The following MUL1 variants were observed in gnomAD, a reference collection of about 807,000 sequenced individuals.
MUL1 encodes mitochondrial E3 ubiquitin protein ligase 1.
MUL1 carries 30 observed loss-of-function variants against 34.1 expected under a neutral mutation model. The ratio of observed to expected loss-of-function variants is 0.88; its 90% confidence interval spans 0.66 to 1.19. MUL1 has a LOEUF of 1.19. Ranked by LOEUF, MUL1 falls within the 50% of genes most tolerant of loss-of-function variation. The pLI, the probability that MUL1 is intolerant of heterozygous loss-of-function variation, is 0.00. For missense variants in MUL1, 419 were observed against 450.5 expected, an observed-to-expected ratio of 0.93 and a Z score of 0.63; for synonymous variants, 191 against 187.8, an observed-to-expected ratio of 1.02 and a Z score of -0.14.
chr1:20,500,526 G>C lies in MUL1; in HGVS notation c.*164C>G. 1.1e-6 allele frequency: 1 copy of C among 880,214 alleles called. No individual in the cohort carries two copies. Among genetic ancestry groups the C allele is most frequent in the Non-Finnish European group, 1.7e-6 (1 of 592,592 alleles). 54.5% of individuals were successfully genotyped at this position (880,214 alleles called of 1,614,324 possible). Reference sequence around the variant, plus strand: ...TCTCAGGTGGGAAAGGCAGCATCCTGCCATTGGAGGCATGGGTCTGGAGAG... The same window carrying C: ...TCTCAGGTGGGAAAGGCAGCATCCTCCCATTGGAGGCATGGGTCTGGAGAG... On this transcript the variant is annotated 3_prime_UTR_variant, in exon 4 of 4. Transcript: ENST00000264198.
chr1:20,501,977 G>A lies in MUL1; in HGVS notation c.329+92C>T, dbSNP rs2051665991. The A allele has an allele frequency of 1.3e-6, 2 of 1,527,112 alleles. No individual in the cohort carries two copies. Among genetic ancestry groups the A allele is most frequent in the South Asian group, 2.3e-5 (2 of 86,526 alleles). 94.6% of individuals were successfully genotyped at this position (1,527,112 alleles called of 1,614,324 possible). ...GAGACTGGGCTTCAACCTGTCTCAG[G>A]AGAAGCTGAAGTCACGGCAACAGCA... On this transcript the variant is annotated intron_variant, in intron 3 of 3. Coordinates refer to ENST00000264198, the MANE Select transcript of MUL1 (RefSeq NM_024544.3). The surrounding 1 kb of genome is among the most constrained non-coding windows in gnomAD (Gnocchi z 4.2).
At chr1:20,505,988 C>A (rs1013291710) in intron 1 of MUL1, among the ~76,000 whole-genome samples, 4 of 152,150 alleles carry the variant, frequency 2.6e-5, no homozygotes, top group Admixed American at 6.5e-5. Context: ...CACTATAACG[C>A]CACTGCACAG....
intron 1 of MUL1, among the ~76,000 whole-genome samples, chr1:20,507,011 C>T (rs2051721876): frequency 6.6e-6 from 1 of 150,730 alleles, no homozygotes; most frequent in Non-Finnish European, 1.5e-5. Flanking sequence ...GGAGATCACC[C>T]GACGTCAGGA....
chr1:20,503,161 G>A, intron 2 of MUL1, 61 bp downstream of exon 2: 1 of 1,230,590 alleles, frequency 8.1e-7, no homozygotes, highest in Non-Finnish European at 1.2e-6. Context: ...TAGCCAAGAT[G>A]ATCTTTATCA....
chr1:20,503,326 AAT>A lies in MUL1; in HGVS notation c.121-19_121-18del. The A allele has an allele frequency of 6.9e-7, 1 of 1,449,310 alleles. No homozygotes were observed. Among genetic ancestry groups the A allele is most frequent in the Admixed American group, 2.0e-5 (1 of 49,116 alleles). The allele number at this position is 1,449,310 out of a possible 1,614,324, so 89.8% of individuals were successfully genotyped here. On this transcript the variant is annotated intron_variant, in intron 1 of 3. Transcript: ENST00000264198. ...TTTAGCTCCCTAAATAAAAAAAAAA[AAT>A]TAAATTAATTGGCCATTGAACACTG...
At position 20,508,048 on chromosome 1, in the gene MUL1, G is replaced by T; in HGVS notation, c.-24C>A. ...ATGACGGCGGCGAGCCCCGGTGGCC[G>T]ACTGTGGCGCCAAGGATAGGCCTGG... On this transcript the variant is annotated 5_prime_UTR_variant, in exon 1 of 4. Coordinates refer to ENST00000264198, the MANE Select transcript of MUL1 (RefSeq NM_024544.3). 1 of 1,573,830 alleles carries T rather than the reference G, an allele frequency of 6.4e-7. No homozygotes were observed. Among genetic ancestry groups the T allele is most frequent in the Non-Finnish European group, 8.6e-7 (1 of 1,161,202 alleles).
In MUL1 at chr1:20,502,131, C is replaced by T; in HGVS notation, c.267G>A (p.Gly89=). The T allele has an allele frequency of 6.2e-7, 1 of 1,614,162 alleles. No individual in the cohort carries two copies. The highest frequency in any genetic ancestry group is 8.5e-7 in the Non-Finnish European group (1 of 1,180,038). The change falls in exon 3 of 4, where the codon GGG becomes GGA. Residue 89 remains glycine, a synonymous_variant. Coordinates refer to ENST00000264198, the MANE Select transcript of MUL1 (RefSeq NM_024544.3). ...CCTGAAGTGTCAGCCGCTGAATTAC[C>T]CCCTTGCAGTTTTCCACAAACTGGC... is the stretch of plus-strand genomic sequence containing the variant. ...LNSQFVENCK[G]VIQRLTLQEH...
intron 2 of MUL1, among the ~76,000 whole-genome samples, chr1:20,502,922 T>A (rs1206768698): frequency 2.0e-5 from 3 of 152,150 alleles, no homozygotes; most frequent in Non-Finnish European, 4.4e-5. Flanking sequence ...ACAATGACAT[T>A]CTGATCACCA....
In MUL1 at chr1:20,500,476, G is replaced by T; in HGVS notation, c.*214C>A. On this transcript the variant is annotated 3_prime_UTR_variant, in exon 4 of 4. Coordinates refer to ENST00000264198, the MANE Select transcript of MUL1 (RefSeq NM_024544.3). ...CATCCTCCCAGGGTGAGGCTCTGAT[G>T]AGGCTGCACATGGACAGGGTCCCCT... 1.8e-6 allele frequency: 1 copy of T among 550,446 alleles called. No homozygotes were observed. Among genetic ancestry groups the T allele is most frequent in the Middle Eastern group, 4.8e-4 (1 of 2,068 alleles). The allele number at this position is 550,446 out of a possible 1,614,324, so 34.1% of individuals were successfully genotyped here.
chr1:20,502,918 A>G (rs2051677893), intron 2 of MUL1, among the ~76,000 whole-genome samples: 1 of 152,192 alleles, frequency 6.6e-6, no homozygotes, highest in Non-Finnish European at 1.5e-5. Context: ...CAAAACAATG[A>G]CATTCTGATC....
intron 1 of MUL1, among the ~76,000 whole-genome samples, chr1:20,506,333 A>T (rs1048034141): frequency 6.6e-6 from 1 of 152,246 alleles, no homozygotes; most frequent in African/African-American, 2.4e-5. Context: ...AAGCTAGAGG[A>T]AAGAGAATGG....
rs774048986 is a variant in MUL1, at chr1:20,501,210, T to C, written c.539A>G (p.Lys180Arg). The C allele has an allele frequency of 9.9e-6, 16 of 1,614,026 alleles. No individual in the cohort carries two copies. The Admixed American group carries it at 2.5e-4, about 25-fold the overall frequency. Residue 180 changes from lysine to arginine, a missense_variant, in exon 4 of 4, where the codon AAA (lysine) becomes AGA (arginine). Physicochemically the swap from Lys to Arg is conservative, Grantham distance 26. Transcript: ENST00000264198. The surrounding 1 kb of genome is among the most constrained non-coding windows in gnomAD (Gnocchi z 4.2). ...CATCTCCTCGGTCTCTTGGATGCCTTTGGGCCGCTCACCGCTGATGTAGTG... is the reference window on the plus strand; with the variant it reads ...CATCTCCTCGGTCTCTTGGATGCCTCTGGGCCGCTCACCGCTGATGTAGTG... ...IGHYISGERP[K>R]GIQETEEMLK...
rs768345541 is a variant in MUL1 at position 20,501,441 on chromosome 1, A to G, written c.330-22T>C. On this transcript the variant is annotated intron_variant, in intron 3 of 3. Coordinates refer to ENST00000264198, the MANE Select transcript of MUL1 (RefSeq NM_024544.3). This position sits in a 1 kb window ranked among gnomAD's most constrained non-coding sequence, Gnocchi z 4.2. Reference sequence around the variant, plus strand: ...ATTCCTAGAAGAATAAGAGAACTAAAGATACAGGGTAGCAAACAGCAAACA... The same window carrying G: ...ATTCCTAGAAGAATAAGAGAACTAAGGATACAGGGTAGCAAACAGCAAACA... 9 of 1,600,488 alleles carry G rather than the reference A, an allele frequency of 5.6e-6. No homozygotes were observed. Among genetic ancestry groups the G allele is most frequent in the Middle Eastern group, 1.7e-4 (1 of 6,028 alleles).
In MUL1 at chr1:20,500,663, A is replaced by C. The variant is rs1017054877; in HGVS notation, c.*27T>G. The C allele has an allele frequency of 4.6e-6, 7 of 1,526,958 alleles. No homozygotes were observed. In the Admixed American group the frequency reaches 6.4e-5, roughly 14 times the overall value. 94.6% of individuals were successfully genotyped at this position (1,526,958 alleles called of 1,614,324 possible). A position where few individuals can be genotyped will look rare whatever the true frequency, so the allele number is the denominator to read the frequency against. On this transcript the variant is annotated 3_prime_UTR_variant, in exon 4 of 4. Coordinates refer to ENST00000264198, the MANE Select transcript of MUL1 (RefSeq NM_024544.3). ...CTGAAAAGGGGGCAGGGGTGCTTCC[A>C]GGTCAAGCTGTGCGGCTTCCAAACT...
In MUL1 at chr1:20,500,427, G is replaced by A; in HGVS notation, c.*263C>T. 7.3e-6 allele frequency: 3 copies of A among 408,814 alleles called. No homozygotes were observed. The highest frequency in any genetic ancestry group is 1.3e-5 in the Non-Finnish European group (3 of 226,536). 25.3% of individuals were successfully genotyped at this position (408,814 alleles called of 1,614,324 possible). On this transcript the variant is annotated 3_prime_UTR_variant, in exon 4 of 4. Transcript: ENST00000264198. ...TTTTCAGTCACACTCGCACTGATCT[G>A]GCTCCTGGGAGGAGACGCCACGGCA... is the stretch of plus-strand genomic sequence containing the variant.
Position 20,500,562 on chromosome 1 carries a change from A to G in MUL1, c.*128T>C, listed in dbSNP as rs2051643878. The G allele has an allele frequency of 1.3e-5, 16 of 1,278,678 alleles. No homozygotes were observed. In the East Asian group the frequency reaches 1.9e-4, roughly 15 times the overall value. 79.2% of individuals were successfully genotyped at this position (1,278,678 alleles called of 1,614,324 possible). A position where few individuals can be genotyped will look rare whatever the true frequency, so the allele number is the denominator to read the frequency against. ...CATGGGTCTGGAGAGTTTCTACCCA[A>G]TTCCTCCCTCAATCATACCTGGAGG... On this transcript the variant is annotated 3_prime_UTR_variant, in exon 4 of 4. Transcript: ENST00000264198.
intron 1 of MUL1, among the ~76,000 whole-genome samples, chr1:20,503,700 T>C (rs927979616): frequency 1.3e-5 from 2 of 152,210 alleles, no homozygotes; most frequent in East Asian, 3.8e-4. Flanking sequence ...ATAAAGTACC[T>C]AACCTATCAC....
At position 20,501,960 on chromosome 1, in the gene MUL1, G is replaced by T; in HGVS notation, c.329+109C>A. The T allele has an allele frequency of 7.2e-7, 1 of 1,384,864 alleles. No individual in the cohort carries two copies. The highest frequency in any genetic ancestry group is 1.0e-6 in the Non-Finnish European group (1 of 987,284). 85.8% of individuals were successfully genotyped at this position (1,384,864 alleles called of 1,614,324 possible). A position where few individuals can be genotyped will look rare whatever the true frequency, so the allele number is the denominator to read the frequency against. On this transcript the variant is annotated intron_variant, in intron 3 of 3. Coordinates refer to ENST00000264198, the MANE Select transcript of MUL1 (RefSeq NM_024544.3). The surrounding 1 kb of genome is among the most constrained non-coding windows in gnomAD (Gnocchi z 4.2). ...AATATGACCTGCATTAAGAGACTGG[G>T]CTTCAACCTGTCTCAGGAGAAGCTG...
In MUL1 at chr1:20,501,661, C is replaced by T. The variant is rs1353764364; in HGVS notation, c.330-242G>A. Among the ~76,000 whole-genome samples the T allele has an allele frequency of 6.6e-6, 1 of 152,194 alleles. No homozygotes were observed. The highest frequency in any genetic ancestry group is 1.5e-5 in the Non-Finnish European group (1 of 68,032). ...TCCCTTTCCACTGTAAAACAAACATCTAAAACAAAACTCACTAGGACCAGT... is the reference window on the plus strand; with the variant it reads ...TCCCTTTCCACTGTAAAACAAACATTTAAAACAAAACTCACTAGGACCAGT... On this transcript the variant is annotated intron_variant, in intron 3 of 3. Coordinates refer to ENST00000264198, the MANE Select transcript of MUL1 (RefSeq NM_024544.3). The surrounding 1 kb of genome is among the most constrained non-coding windows in gnomAD (Gnocchi z 4.2).
Sources: gnomAD v4.1 joint callset for allele counts (sites outside exome capture counted in the v4.1 genomes callset) on GRCh38, gnomAD v4.1.1 for gene constraint, Gnocchi (gnomAD v3.1) non-coding constraint, MANE v1.5 for transcripts, NCBI Gene and HGNC (gene_info 2026-07-23, HGNC 2026-07-21) for gene names.